The following DLGAP2 variants were observed in gnomAD, a reference collection of about 807,000 sequenced individuals.
The protein encoded by DLGAP2 is disks large-associated protein 2.
Under a neutral mutation model 100.3 loss-of-function variants are expected in DLGAP2, and 26 were observed. The observed-to-expected ratio is 0.26, with a 90% CI of 0.19 to 0.36. The LOEUF is 0.36. DLGAP2 is among the 10% of genes least tolerant of loss of function. The pLI, the probability that DLGAP2 is intolerant of heterozygous loss-of-function variation, is 1.00. For missense variants in DLGAP2, 1,858 were observed against 1,453.2 expected (o/e 1.28, Z -4.53); for synonymous variants, 886 against 630.1 (o/e 1.41, Z -6.08).
intron 2 of DLGAP2, among the ~76,000 whole-genome samples, chr8:1,058,184 C>G (rs918333811): frequency 2.6e-5 from 4 of 152,066 alleles, no homozygotes; most frequent in African/African-American, 4.8e-5. Context: ...GCCGGATTGA[C>G]TAGCGGCGGG....
intron 2 of DLGAP2, among the ~76,000 whole-genome samples, chr8:1,224,108 C>T (rs754565410): frequency 1.3e-5 from 2 of 152,262 alleles, no homozygotes; most frequent in African/African-American, 2.4e-5. Flanking sequence ...AGAATTTAAA[C>T]CACATGGATG....
intron 3 of DLGAP2, among the ~76,000 whole-genome samples, chr8:1,339,985 C>A (rs1287664101): frequency 6.6e-6 from 1 of 152,206 alleles, no homozygotes; most frequent in African/African-American, 2.4e-5. Context: ...CATTCAAATA[C>A]CTTATGTTTA....
intron 3 of DLGAP2, among the ~76,000 whole-genome samples, chr8:1,314,919 C>G (rs1352442905): frequency 2.0e-5 from 3 of 152,162 alleles, no homozygotes; most frequent in Non-Finnish European, 4.4e-5. Context: ...TTTTACAGCT[C>G]CCATGTGCCC....
At chr8:1,272,946 C>T (rs192089821) in intron 3 of DLGAP2, among the ~76,000 whole-genome samples, 6 of 152,226 alleles carry the variant, frequency 3.9e-5, no homozygotes, top group Non-Finnish European at 7.4e-5. Flanking sequence ...GCTTCTGTGC[C>T]GTGGGTTATG....
chr8:1,529,851 C>T (rs546147553), intron 4 of DLGAP2, among the ~76,000 whole-genome samples: 29 of 152,246 alleles, frequency 1.9e-4, no homozygotes, highest in Admixed American at 9.2e-4. Flanking sequence ...CATCACATGT[C>T]GGTACGTTCC....
intron 14 of DLGAP2, among the ~76,000 whole-genome samples, chr8:1,697,654 G>C (rs1330969669): frequency 1.3e-5 from 2 of 152,182 alleles, no homozygotes; most frequent in African/African-American, 4.8e-5. Context: ...TATCAAACTT[G>C]TTCTCATTGT....
chr8:1,615,872 A>G (rs28631538), intron 6 of DLGAP2, among the ~76,000 whole-genome samples: 3,353 of 86,050 alleles, frequency 0.039, 1 homozygote, highest in East Asian at 0.079. Flanking sequence ...AGAACTCACC[A>G]GAAAGATCTT....
intron 6 of DLGAP2, among the ~76,000 whole-genome samples, chr8:1,599,377 G>T (rs1796554881): frequency 6.6e-6 from 1 of 152,114 alleles, no homozygotes; most frequent in Non-Finnish European, 1.5e-5. Context: ...TGTCAATTGG[G>T]TCTGCTTGGT....
intron 1 of DLGAP2, among the ~76,000 whole-genome samples, chr8:803,218 C>T (rs1165543265): frequency 6.6e-6 from 1 of 152,186 alleles, no homozygotes; most frequent in Non-Finnish European, 1.5e-5. Context: ...GCTTCCTCCC[C>T]ACAAACCTCT....
intron 1 of DLGAP2, among the ~76,000 whole-genome samples, chr8:806,865 T>C (rs960937949): frequency 6.6e-5 from 10 of 152,190 alleles, no homozygotes; most frequent in African/African-American, 2.4e-4. Context: ...TTATCACCGA[T>C]ACAAATGACT....
At chr8:1,253,639 C>T (rs1270072004) in intron 2 of DLGAP2, among the ~76,000 whole-genome samples, 1 of 124,834 alleles carries the variant, frequency 8.0e-6, no homozygotes, top group Non-Finnish European at 1.8e-5. Flanking sequence ...TGAGCCGGTT[C>T]TCAGCGGGCT....
chr8:1,364,965 C>T (rs1802076331), intron 3 of DLGAP2, among the ~76,000 whole-genome samples: 1 of 152,218 alleles, frequency 6.6e-6, no homozygotes, highest in Non-Finnish European at 1.5e-5. Context: ...CACAGGGCCC[C>T]ACTCCCTCCA....
intron 2 of DLGAP2, among the ~76,000 whole-genome samples, chr8:1,236,147 C>G (rs1341568155): frequency 8.9e-6 from 1 of 112,574 alleles, no homozygotes; most frequent in Non-Finnish European, 1.7e-5. Flanking sequence ...GTCTAGTTCT[C>G]TCTCACACAT....
chr8:983,247 T>C lies in DLGAP2; in HGVS notation c.73+75281T>C, dbSNP rs1295187999. Among the ~76,000 whole-genome samples the C allele has an allele frequency of 1.5e-4, 23 of 152,044 alleles. 1 individual carries two copies. The highest frequency in any genetic ancestry group is 1.5e-3 in the Admixed American group (23 of 15,258). ...TACAGGTCCTCGAGATGTTCTTGTG[T>C]CCCTTAGAATCCACGTGTTGGTGGA... is the stretch of plus-strand genomic sequence containing the variant. On this transcript the variant is annotated intron_variant, in intron 2 of 14. Transcript: ENST00000637795.
intron 2 of DLGAP2, among the ~76,000 whole-genome samples, chr8:964,713 GC>G (rs1369324136): frequency 6.6e-6 from 1 of 152,190 alleles, no homozygotes; most frequent in Non-Finnish European, 1.5e-5. Context: ...AGGGGCCCAG[GC>G]CTTTGGACAT....
intron 3 of DLGAP2, among the ~76,000 whole-genome samples, chr8:1,319,624 A>G (rs1053271081): frequency 2.0e-5 from 3 of 152,186 alleles, no homozygotes; most frequent in African/African-American, 7.2e-5. Context: ...CTGTGATGAG[A>G]TGAGAAAAGG....
At chr8:1,684,872 C>T (rs578051791) in intron 12 of DLGAP2, among the ~76,000 whole-genome samples, 13 of 152,206 alleles carry the variant, frequency 8.5e-5, no homozygotes, top group South Asian at 8.3e-4. Flanking sequence ...AAGAACTCAC[C>T]AAGGGAGCAC....
chr8:1,165,328 G>C (rs867145644), intron 2 of DLGAP2, among the ~76,000 whole-genome samples: 1 of 152,114 alleles, frequency 6.6e-6, no homozygotes, highest in Non-Finnish European at 1.5e-5. Flanking sequence ...CGCGCATACA[G>C]CATCAGCCCT....
intron 5 of DLGAP2, among the ~76,000 whole-genome samples, chr8:1,554,912 T>C (rs1268904723): frequency 6.6e-6 from 1 of 152,162 alleles, no homozygotes. Flanking sequence ...TATTTGTAGT[T>C]TTAGGGGCAA....
Sources: gnomAD v4.1 joint callset for allele counts (sites outside exome capture counted in the v4.1 genomes callset) on GRCh38, gnomAD v4.1.1 for gene constraint, MANE v1.5 for transcripts, NCBI Gene and HGNC (gene_info 2026-07-23, HGNC 2026-07-21) for gene names.